Variants in STK3 observed in about 807,000 individuals in gnomAD.
STK3 encodes serine/threonine-protein kinase 3.
STK3 carries 41 observed loss-of-function variants against 58.0 expected under a neutral mutation model. The observed-to-expected ratio is 0.71, with a 90% CI of 0.55 to 0.92. The LOEUF is 0.92. STK3 is among the 40% of genes least tolerant of loss of function. STK3 has a pLI of 0.00. For missense variants in STK3, 479 were observed against 602.7 expected (o/e 0.79, Z 2.15); for synonymous variants, 170 against 191.0 (o/e 0.89, Z 0.91).
At chr8:98,604,570 T>G (rs375315483) in intron 6 of STK3, among the ~76,000 whole-genome samples, 1 of 152,200 alleles carries the variant, frequency 6.6e-6, no homozygotes. Context: ...GAGGTTCTCA[T>G]GAAAGCTACA....
At chr8:98,906,170 A>G (rs1276865317) in intron 1 of STK3, 2 of 152,872 alleles carry the variant, frequency 1.3e-5, no homozygotes, top group African/African-American at 4.8e-5. Flanking sequence ...TCACATTTCT[A>G]TAGAAGCTAC....
At chr8:98,586,108 C>T (rs575641404) in intron 7 of STK3, among the ~76,000 whole-genome samples, 30 of 152,138 alleles carry the variant, frequency 2.0e-4, no homozygotes, top group Non-Finnish European at 2.9e-4. Flanking sequence ...TGCCTGATTG[C>T]CCTGGCCAGA....
intron 10 of STK3, among the ~76,000 whole-genome samples, chr8:98,521,450 C>T (rs1825355479): frequency 6.6e-6 from 1 of 151,656 alleles, no homozygotes; most frequent in Non-Finnish European, 1.5e-5. Context: ...AATTTTATTC[C>T]TATATTATTT....
At position 98,428,890 on chromosome 8, in the gene STK3, G is replaced by T; in HGVS notation, n.483+5237C>A. 1 of 1,614,124 alleles carries T rather than the reference G, an allele frequency of 6.2e-7. No homozygotes were observed. Among genetic ancestry groups the T allele is most frequent in the South Asian group, 1.1e-5 (1 of 91,084 alleles). On this transcript the variant is annotated intron_variant and non_coding_transcript_variant, in intron 3 of 3. Coordinates refer to the STK3 transcript ENST00000517832. The surrounding 1 kb of genome is among the most constrained non-coding windows in gnomAD (Gnocchi z 6.7). ...GTCCTGAGGCTGATGCGGATCTTCC[G>T]CATCTTAAAGCTGGCCAGGCACTCC...
chr8:98,642,260 G>T (rs1261097801), intron 6 of STK3, among the ~76,000 whole-genome samples: 1 of 151,952 alleles, frequency 6.6e-6, no homozygotes, highest in Non-Finnish European at 1.5e-5. Flanking sequence ...AGGGAAAAGG[G>T]AAATAAATGT....
chr8:98,470,815 T>TA, intron 10 of STK3, among the ~76,000 whole-genome samples: 1 of 152,306 alleles, frequency 6.6e-6, no homozygotes, highest in African/African-American at 2.4e-5. Context: ...TACTGACTCT[T>TA]AAGAGGTGTG....
intron 3 of STK3, among the ~76,000 whole-genome samples, chr8:98,760,656 C>T (rs562015196): frequency 1.3e-5 from 2 of 152,166 alleles, no homozygotes; most frequent in South Asian, 4.1e-4. Flanking sequence ...TTAATTTTTT[C>T]CTTCCCCTAT....
intron 6 of STK3, chr8:98,596,481 T>C (rs556974707): frequency 1.5e-4 from 27 of 178,362 alleles, no homozygotes; most frequent in Non-Finnish European, 2.5e-4. Context: ...CCTAAACATA[T>C]ATATTCCCAA....
intron 6 of STK3, among the ~76,000 whole-genome samples, chr8:98,706,165 G>C (rs1291792076): frequency 6.6e-6 from 1 of 151,796 alleles, no homozygotes; most frequent in Non-Finnish European, 1.5e-5. Context: ...ATAAACTGAA[G>C]AGCAAAGAGG....
chr8:98,702,894 A>G lies in STK3; in HGVS notation c.684+3573T>C, dbSNP rs569332119. Among the ~76,000 whole-genome samples, 33 of 152,330 alleles carry G rather than the reference A, an allele frequency of 2.2e-4. 1 individual carries two copies. Among genetic ancestry groups the G allele is most frequent in the African/African-American group, 7.9e-4 (33 of 41,574 alleles). ...AACTTTGTTCTAGATAGCCATGTAT[A>G]TGTAGTAAATTGTATCATTTACTTA... On this transcript the variant is annotated intron_variant, in intron 6 of 10. Transcript: ENST00000419617.
chr8:98,583,692 A>G (rs1219728999), intron 7 of STK3, among the ~76,000 whole-genome samples: 1 of 152,224 alleles, frequency 6.6e-6, no homozygotes, highest in Non-Finnish European at 1.5e-5. Flanking sequence ...CGTCTTTCCA[A>G]GCAGAATATT....
chr8:98,472,357 A>T (rs911066161), intron 10 of STK3, among the ~76,000 whole-genome samples: 4 of 152,052 alleles, frequency 2.6e-5, no homozygotes, highest in African/African-American at 9.7e-5. Flanking sequence ...CTAAACTAAA[A>T]CCCTATGCCA....
intron 2 of STK3, among the ~76,000 whole-genome samples, chr8:98,377,242 G>T (rs551972738): frequency 6.6e-6 from 1 of 152,240 alleles, no homozygotes; most frequent in African/African-American, 2.4e-5. Context: ...TTTAAAAAAT[G>T]CATCAACATT....
chr8:98,839,874 A>G (rs1409983279), intron 3 of STK3, among the ~76,000 whole-genome samples: 1 of 152,198 alleles, frequency 6.6e-6, no homozygotes, highest in Non-Finnish European at 1.5e-5. Flanking sequence ...AAAAGTAAAA[A>G]AAATAGATTT....
At chr8:98,386,253 G>C (rs1817790320) in intron 1 of STK3, among the ~76,000 whole-genome samples, 2 of 152,170 alleles carry the variant, frequency 1.3e-5, no homozygotes, top group Non-Finnish European at 2.9e-5. Flanking sequence ...AAAGTATGAA[G>C]GGATATGTGC....
intron 6 of STK3, among the ~76,000 whole-genome samples, chr8:98,632,298 A>T (rs779455739): frequency 3.9e-5 from 6 of 152,258 alleles, no homozygotes; most frequent in Non-Finnish European, 8.8e-5. Context: ...ATTGGCGACC[A>T]TGTGAACTCA....
At chr8:98,366,878 T>C (rs1170369332), downstream of STK3, among the ~76,000 whole-genome samples, 1 of 152,268 alleles carries the variant, frequency 6.6e-6, no homozygotes, top group African/African-American at 2.4e-5. Context: ...ATGCCCACTG[T>C]ATGCTAGGCA....
intron 10 of STK3, among the ~76,000 whole-genome samples, chr8:98,469,408 A>G (rs1335928726): frequency 6.6e-6 from 1 of 152,224 alleles, no homozygotes; most frequent in East Asian, 1.9e-4. Context: ...GCAAGTCTTC[A>G]GCGCTGGGGC....
At chr8:98,697,335 G>A (rs1825052373) in intron 6 of STK3, among the ~76,000 whole-genome samples, 1 of 152,040 alleles carries the variant, frequency 6.6e-6, no homozygotes, top group African/African-American at 2.4e-5. Flanking sequence ...TTTTTTGAAG[G>A]GTTTTTTGTG....
Sources: allele counts gnomAD v4.1 joint callset (sites outside exome capture counted in the v4.1 genomes callset), GRCh38; gene constraint gnomAD v4.1.1; non-coding constraint Gnocchi (gnomAD v3.1); transcripts MANE v1.5; gene names NCBI Gene and HGNC (gene_info 2026-07-23, HGNC 2026-07-21).